TRAPPC9: variants seen among roughly 807,000 people sequenced by gnomAD.
TRAPPC9 encodes the protein trafficking protein particle complex subunit 9.
TRAPPC9 carries 83 observed loss-of-function variants against 124.0 expected under a neutral mutation model. That is an observed-to-expected ratio of 0.67 (90% CI 0.56 to 0.80). The LOEUF is 0.80. Ranked by LOEUF, TRAPPC9 falls within the 30% of genes least tolerant of loss-of-function variation. The probability of loss-of-function intolerance (pLI) is 0.00; values close to 1 mark genes in which losing one functional copy is unlikely to be tolerated. For synonymous variants in TRAPPC9, 638 were observed against 617.5 expected, an observed-to-expected ratio of 1.03 and a Z score of -0.49; for missense variants, 1,302 against 1,508.3, an observed-to-expected ratio of 0.86 and a Z score of 2.27.
intron 5 of TRAPPC9, among the ~76,000 whole-genome samples, chr8:140,422,481 C>T (rs1351673857): frequency 6.6e-6 from 1 of 152,126 alleles, no homozygotes; most frequent in African/African-American, 2.4e-5. Flanking sequence ...TAGCCAGGTG[C>T]AGTGGCTCAC....
intron 17 of TRAPPC9, among the ~76,000 whole-genome samples, chr8:140,154,536 T>C (rs1411613472): frequency 1.3e-5 from 2 of 151,976 alleles, no homozygotes; most frequent in African/African-American, 4.8e-5. Context: ...GTTCAATTCT[T>C]CCCCCACCAC....
At chr8:140,088,702 T>A (rs1214895776) in intron 17 of TRAPPC9, among the ~76,000 whole-genome samples, 1 of 152,258 alleles carries the variant, frequency 6.6e-6, no homozygotes, top group Non-Finnish European at 1.5e-5. Flanking sequence ...TCACAATCTT[T>A]TTTCTTCATC....
At position 139,910,187 on chromosome 8, in the gene TRAPPC9, C is replaced by G. The variant is rs1831626856; in HGVS notation, c.2924G>C (p.Gly975Ala). The change falls in exon 20 of 23, where the codon GGC becomes GCC. Residue 975 changes from glycine (G) to alanine (A), a missense_variant. Physicochemically the swap from Gly to Ala is moderately conservative, Grantham distance 60. This residue lies in a region of TRAPPC9 where 640 missense variants were observed against 679.3 expected (regional missense o/e 0.94). Coordinates refer to ENST00000438773, the MANE Select transcript of TRAPPC9 (RefSeq NM_001160372.4). ...QLEEERREAR[G>A]LEIHSKLGIC... ...GCCCAGCTTGCTGTGGATCTCCAGGCCTCGGGCTTCCCGCCGCTCTTCCTC... is the reference window on the plus strand; with the variant it reads ...GCCCAGCTTGCTGTGGATCTCCAGGGCTCGGGCTTCCCGCCGCTCTTCCTC... 3 of 1,613,456 alleles carry G rather than the reference C, an allele frequency of 1.9e-6. No individual in the cohort carries two copies. The African/African-American group carries it at 4.0e-5, about 22-fold the overall frequency.
chr8:140,007,142 A>G (rs565928929), intron 18 of TRAPPC9, among the ~76,000 whole-genome samples: 1 of 152,348 alleles, frequency 6.6e-6, no homozygotes, highest in African/African-American at 2.4e-5. Context: ...ACGCAGTGCC[A>G]TAGTTGTTGA....
intron 17 of TRAPPC9, among the ~76,000 whole-genome samples, chr8:140,036,613 A>G (rs571073817): frequency 5.9e-5 from 9 of 152,184 alleles, no homozygotes; most frequent in Admixed American, 5.9e-4. Flanking sequence ...GAGATTCCGA[A>G]GGACATCCAA....
rs763518835 is a variant in TRAPPC9, at chr8:140,182,077, C to T, written c.2556+39382G>A. Reference sequence around the variant, plus strand: ...GCTGCAGCCTGAACTCCCTTCTTTACATCAGCATACAAGCCTAGTGCTGGT... The same window carrying T: ...GCTGCAGCCTGAACTCCCTTCTTTATATCAGCATACAAGCCTAGTGCTGGT... On this transcript the variant is annotated intron_variant, in intron 17 of 22. Transcript: ENST00000438773. The surrounding 1 kb of genome is among the most constrained non-coding windows in gnomAD (Gnocchi z 4.0). Among the ~76,000 whole-genome samples the T allele has an allele frequency of 6.6e-6, 1 of 152,174 alleles. No homozygotes were observed. The highest frequency in any genetic ancestry group is 1.5e-5 in the Non-Finnish European group (1 of 68,030).
intron 9 of TRAPPC9, among the ~76,000 whole-genome samples, chr8:140,329,714 C>G (rs6578097): frequency 0.66 from 99,328 of 151,536 alleles, 33,033 homozygotes; most frequent in African/African-American, 0.79. Context: ...GTGCTCATTT[C>G]GGAATCTAAG....
At chr8:139,879,084 G>C (rs1052689127) in intron 21 of TRAPPC9, among the ~76,000 whole-genome samples, 2 of 152,266 alleles carry the variant, frequency 1.3e-5, no homozygotes, top group Non-Finnish European at 2.9e-5. Context: ...CAGGGAACGA[G>C]GGCCCAGCCC....
At chr8:140,061,837 T>A (rs1408845406) in intron 17 of TRAPPC9, among the ~76,000 whole-genome samples, 2 of 152,286 alleles carry the variant, frequency 1.3e-5, no homozygotes, top group East Asian at 1.9e-4. Flanking sequence ...GAAGTCAATA[T>A]GTGCTGGCGG....
intron 21 of TRAPPC9, among the ~76,000 whole-genome samples, chr8:139,832,816 T>A (rs1826077348): frequency 6.6e-6 from 1 of 152,094 alleles, no homozygotes; most frequent in Non-Finnish European, 1.5e-5. Context: ...CCCTCGCCCT[T>A]GGATAGCGTC....
At position 140,312,146 on chromosome 8, in the gene TRAPPC9, G is replaced by T. The variant is rs193238152; in HGVS notation, c.1496-772C>A. ...AGACCATGTACTTGGCCTAAGGCCT[G>T]TGGTTTTCTCCCTAGAGTGTTTTAA... On this transcript the variant is annotated intron_variant, in intron 9 of 22. Coordinates refer to ENST00000438773, the MANE Select transcript of TRAPPC9 (RefSeq NM_001160372.4). Among the ~76,000 whole-genome samples, 3 of 152,354 alleles carry T rather than the reference G, an allele frequency of 2.0e-5. No homozygotes were observed. The East Asian group carries it at 5.8e-4, about 29-fold the overall frequency.
intron 19 of TRAPPC9, among the ~76,000 whole-genome samples, chr8:139,972,760 G>A (rs1108354): frequency 0.88 from 134,660 of 152,288 alleles, 59,718 homozygotes; most frequent in East Asian, 0.99. Context: ...ATGAAAACTT[G>A]GACCCCAAAG....
intron 9 of TRAPPC9, among the ~76,000 whole-genome samples, chr8:140,338,272 T>C (rs972854815): frequency 2.0e-5 from 3 of 152,178 alleles, no homozygotes; most frequent in African/African-American, 7.2e-5. Context: ...TATGGACCAG[T>C]GGGCAAAGGA....
intron 21 of TRAPPC9, among the ~76,000 whole-genome samples, chr8:139,808,684 G>A (rs754191597): frequency 1.1e-4 from 17 of 151,804 alleles, no homozygotes; most frequent in Non-Finnish European, 1.9e-4. Flanking sequence ...TACCAATTCT[G>A]GATGTATCAT....
chr8:140,362,192 G>A (rs1227155424), intron 8 of TRAPPC9, among the ~76,000 whole-genome samples: 4 of 152,116 alleles, frequency 2.6e-5, no homozygotes, highest in Non-Finnish European at 2.9e-5. Context: ...CCATTCAAGT[G>A]TCCTTAATGC....
intron 20 of TRAPPC9, among the ~76,000 whole-genome samples, chr8:139,887,478 C>T (rs1190471405): frequency 6.6e-6 from 1 of 152,202 alleles, no homozygotes; most frequent in African/African-American, 2.4e-5. Flanking sequence ...CCCATTTTGG[C>T]CTCCCAAAGT....
intron 17 of TRAPPC9, among the ~76,000 whole-genome samples, chr8:140,215,125 C>T (rs1301412664): frequency 3.9e-5 from 6 of 152,114 alleles, no homozygotes; most frequent in African/African-American, 7.2e-5. Context: ...AGACAAACCT[C>T]GACAACCAGA....
At chr8:139,971,060 C>T (rs907336793) in intron 19 of TRAPPC9, among the ~76,000 whole-genome samples, 2 of 152,104 alleles carry the variant, frequency 1.3e-5, no homozygotes, top group African/African-American at 2.4e-5. Context: ...CGGAATCCAC[C>T]TCTTTTCTCT....
At chr8:140,193,624 A>G (rs78147884) in intron 17 of TRAPPC9, among the ~76,000 whole-genome samples, 6 of 34,124 alleles carry the variant, frequency 1.8e-4, no homozygotes, top group African/African-American at 2.2e-4. Context: ...TACTTTCAGA[A>G]AAAAAAAAAA....
Sources: gnomAD v4.1 joint callset for allele counts (sites outside exome capture counted in the v4.1 genomes callset) on GRCh38, gnomAD v4.1.1 for gene constraint, gnomAD v4.1.1 regional missense constraint, Gnocchi (gnomAD v3.1) non-coding constraint, MANE v1.5 for transcripts, NCBI Gene and HGNC (gene_info 2026-07-23, HGNC 2026-07-21) for gene names.